Variants in STAT5B observed in about 807,000 individuals in gnomAD.
The protein encoded by STAT5B is signal transducer and activator of transcription 5B.
Under a neutral mutation model 107.8 loss-of-function variants are expected in STAT5B, and 21 were observed. The observed-to-expected ratio is 0.19, with a 90% confidence interval of 0.14 to 0.28. The LOEUF (loss-of-function observed/expected upper bound fraction) is 0.28, where lower values mean the gene tolerates loss of function less well. Among genes scored for constraint, STAT5B ranks in the 10% least tolerant of loss-of-function variants. STAT5B has a pLI of 1.00. For synonymous variants in STAT5B, 325 were observed against 401.7 expected (o/e 0.81, Z 2.28); for missense variants, 565 against 1,008.2 (o/e 0.56, Z 5.95).
intron 5 of STAT5B, among the ~76,000 whole-genome samples, chr17:42,222,680 ATTTTTT>A (rs112956748): frequency 6.7e-4 from 93 of 139,062 alleles, no homozygotes; most frequent in Middle Eastern, 3.7e-3. Context: ...CCAGCTTAGA[ATTTTTT>A]TTTTTTTTTT....
At chr17:42,266,722 T>G (rs935042350) in intron 1 of STAT5B, among the ~76,000 whole-genome samples, 2 of 151,956 alleles carry the variant, frequency 1.3e-5, no homozygotes, top group Non-Finnish European at 2.9e-5. Context: ...TTTTTAACTA[T>G]GTGCATTTTT....
chr17:42,286,004 G>A, the STAT5B span, among the ~76,000 whole-genome samples: 14 of 152,070 alleles, frequency 9.2e-5, no homozygotes, highest in Non-Finnish European at 1.9e-4. Flanking sequence ...TGGATCACCT[G>A]AGGTCGGGAG....
At chr17:42,259,267 G>A (rs1348735373) in intron 1 of STAT5B, among the ~76,000 whole-genome samples, 1 of 152,166 alleles carries the variant, frequency 6.6e-6, no homozygotes, top group South Asian at 2.1e-4. Flanking sequence ...CTCCCAAAGT[G>A]TTGGGATTAC....
intron 5 of STAT5B, among the ~76,000 whole-genome samples, chr17:42,221,360 G>A (rs187954662): frequency 3.9e-5 from 6 of 152,106 alleles, no homozygotes; most frequent in South Asian, 2.1e-4. Context: ...AGAAGCTTTT[G>A]GGAAGGAGGC....
intron 1 of STAT5B, among the ~76,000 whole-genome samples, chr17:42,246,749 T>C (rs1400894297): frequency 6.6e-6 from 1 of 152,202 alleles, no homozygotes; most frequent in Non-Finnish European, 1.5e-5. Flanking sequence ...ATCACGCCGC[T>C]ATGCTCAAGC....
intron 1 of STAT5B, among the ~76,000 whole-genome samples, chr17:42,239,357 T>C (rs1169251737): frequency 2.0e-5 from 3 of 152,038 alleles, no homozygotes; most frequent in African/African-American, 7.2e-5. Flanking sequence ...TACCTATTCC[T>C]TCCAAGGACA....
intron 2 of STAT5B, among the ~76,000 whole-genome samples, chr17:42,229,578 G>A (rs1477426243): frequency 2.7e-5 from 4 of 150,834 alleles, no homozygotes; most frequent in Admixed American, 6.6e-5. Flanking sequence ...TAAACATAAA[G>A]AACTAAAGAT....
At chr17:42,225,386 A>G (rs1384999300) in intron 3 of STAT5B, among the ~76,000 whole-genome samples, 1 of 152,162 alleles carries the variant, frequency 6.6e-6, no homozygotes. Context: ...AACGGAATAA[A>G]TAAGTTTTAA....
At chr17:42,232,260 T>TG in intron 1 of STAT5B, 123 bp from the exon 2 acceptor site, 3 of 1,076,810 alleles carry the variant, frequency 2.8e-6, no homozygotes, top group Admixed American at 7.8e-5. Flanking sequence ...TTTTTATTTT[T>TG]ATTTTTTTGA....
At chr17:42,216,264 CT>C (rs2080171327) in intron 11 of STAT5B, among the ~76,000 whole-genome samples, 158 bp from the exon 12 acceptor site, 1 of 151,880 alleles carries the variant, frequency 6.6e-6, no homozygotes, top group African/African-American at 2.4e-5. Context: ...AATAATATGA[CT>C]TTTCATACTG....
At chr17:42,211,446 C>T (rs543182540) in intron 13 of STAT5B, among the ~76,000 whole-genome samples, 3 of 151,932 alleles carry the variant, frequency 2.0e-5, no homozygotes, top group East Asian at 3.9e-4. Flanking sequence ...GCGGCGGTTG[C>T]GGTGAGCCAA....
intron 1 of STAT5B, among the ~76,000 whole-genome samples, chr17:42,244,145 T>C (rs993108192): frequency 7.3e-5 from 11 of 151,678 alleles, no homozygotes; most frequent in South Asian, 2.1e-4. Flanking sequence ...TGAAGTGCTA[T>C]GGCGTAATCA....
intron 1 of STAT5B, among the ~76,000 whole-genome samples, chr17:42,262,839 CATATATATGTATATACACACAT>C (rs1474929077): frequency 3.0e-5 from 3 of 100,780 alleles, no homozygotes; most frequent in African/African-American, 1.3e-4. Context: ...TATATACACA[CATATATATGTATATACACACAT>C]ATATGTGTGT....
At chr17:42,269,227 C>A (rs1277630435) in intron 1 of STAT5B, among the ~76,000 whole-genome samples, 1 of 152,138 alleles carries the variant, frequency 6.6e-6, no homozygotes, top group Non-Finnish European at 1.5e-5. Flanking sequence ...GCGTGCACCA[C>A]CACACCTGGC....
intron 1 of STAT5B, among the ~76,000 whole-genome samples, chr17:42,236,470 C>G (rs1240131394): frequency 6.6e-6 from 1 of 152,212 alleles, no homozygotes; most frequent in Non-Finnish European, 1.5e-5. Context: ...GAGACGGAGT[C>G]TCACTCTGTC....
chr17:42,263,102 T>C (rs898417068), intron 1 of STAT5B, among the ~76,000 whole-genome samples: 3 of 144,578 alleles, frequency 2.1e-5, no homozygotes, highest in Non-Finnish European at 4.5e-5. Flanking sequence ...ATGGCACCAT[T>C]ATAGCTCACT....
At chr17:42,229,474 A>G (rs979088594) in intron 2 of STAT5B, among the ~76,000 whole-genome samples, 2 of 151,946 alleles carry the variant, frequency 1.3e-5, no homozygotes, top group African/African-American at 2.4e-5. Context: ...AAAAGGATCC[A>G]GTCTCTGAGC....
chr17:42,260,175 T>C (rs1041192130), intron 1 of STAT5B, among the ~76,000 whole-genome samples: 16 of 152,226 alleles, frequency 1.1e-4, no homozygotes, highest in Non-Finnish European at 7.3e-5. Context: ...ACCTGGAAAC[T>C]GGTGTTCAAT....
chr17:42,228,103 A>G (rs772442613), intron 2 of STAT5B, among the ~76,000 whole-genome samples: 14 of 152,196 alleles, frequency 9.2e-5, no homozygotes, highest in Non-Finnish European at 7.3e-5. Context: ...ACTCTTCTAC[A>G]TGTCCTTTCC....
Sources: allele counts gnomAD v4.1 joint callset (sites outside exome capture counted in the v4.1 genomes callset), GRCh38; gene constraint gnomAD v4.1.1; transcripts MANE v1.5; gene names NCBI Gene and HGNC (gene_info 2026-07-23, HGNC 2026-07-21).